Variants in RALGPS2 observed in about 807,000 individuals in gnomAD.
The protein encoded by RALGPS2 is ras-specific guanine nucleotide-releasing factor RalGPS2.
A neutral mutation model predicts 86.8 loss-of-function variants in RALGPS2; 43 were observed. The observed-to-expected ratio is 0.50, with a 90% CI of 0.39 to 0.64. The LOEUF is 0.64. RALGPS2 is among the 30% of genes least tolerant of loss of function. RALGPS2 has a pLI of 0.00. For missense variants in RALGPS2, 536 were observed against 694.6 expected (o/e 0.77, Z 2.57); for synonymous variants, 243 against 231.3 (o/e 1.05, Z -0.46).
At chr1:178,840,642 A>C (rs1656555516) in intron 8 of RALGPS2, among the ~76,000 whole-genome samples, 1 of 152,200 alleles carries the variant, frequency 6.6e-6, no homozygotes. Flanking sequence ...AGAAATAACT[A>C]AGATCAGAGC....
chr1:178,828,107 A>G (rs549867773), intron 7 of RALGPS2, among the ~76,000 whole-genome samples: 1 of 152,376 alleles, frequency 6.6e-6, no homozygotes, highest in East Asian at 1.9e-4. Flanking sequence ...AAGCAAAAAT[A>G]TACAAAATGG....
chr1:178,890,457 A>G (rs1214666581), intron 14 of RALGPS2, among the ~76,000 whole-genome samples: 1 of 151,986 alleles, frequency 6.6e-6, no homozygotes, highest in Non-Finnish European at 1.5e-5. Context: ...GAACTAAGTA[A>G]CTAAATTTCT....
At chr1:178,805,719 T>G (rs554062763) in intron 4 of RALGPS2, among the ~76,000 whole-genome samples, 71 of 152,318 alleles carry the variant, frequency 4.7e-4, no homozygotes, top group African/African-American at 1.7e-3. Context: ...TTTCACTGTC[T>G]TATATTCTCT....
intron 10 of RALGPS2, chr1:178,879,571 T>A (rs2102367392): frequency 6.6e-6 from 1 of 152,638 alleles, no homozygotes; most frequent in South Asian, 2.1e-4. Flanking sequence ...GGCGGGTGGA[T>A]CACTTGAGGT....
At chr1:178,846,486 C>G (rs1656872355) in intron 8 of RALGPS2, among the ~76,000 whole-genome samples, 1 of 152,162 alleles carries the variant, frequency 6.6e-6, no homozygotes, top group Admixed American at 6.5e-5. Flanking sequence ...AGAATTACAT[C>G]CCCATTTTCC....
At chr1:178,886,931 G>A (rs1314619656) in intron 13 of RALGPS2, among the ~76,000 whole-genome samples, 1 of 152,164 alleles carries the variant, frequency 6.6e-6, no homozygotes, top group Non-Finnish European at 1.5e-5. Flanking sequence ...AGTCATTGGT[G>A]ACCTTGATAA....
intron 7 of RALGPS2, among the ~76,000 whole-genome samples, chr1:178,831,299 C>A (rs1306681452): frequency 2.0e-5 from 3 of 152,126 alleles, no homozygotes; most frequent in Non-Finnish European, 4.4e-5. Flanking sequence ...TTAATCTGCA[C>A]CCCGGGTCTA....
At chr1:178,885,695 T>C (rs1659452277) in intron 12 of RALGPS2, 2 of 257,922 alleles carry the variant, frequency 7.8e-6, no homozygotes, top group South Asian at 1.4e-4. Context: ...TCTCTGGAAA[T>C]GTAATAACTG....
chr1:178,852,665 A>G (rs751762108), intron 8 of RALGPS2: 4 of 1,599,288 alleles, frequency 2.5e-6, no homozygotes, highest in Non-Finnish European at 3.4e-6. Flanking sequence ...ACAAAGAATG[A>G]AAGTTTTTCA....
rs10634530 is a variant in RALGPS2, at chr1:178,725,267, G to GGCA, written c.-234_-233insAGC. ...TCACTCTCCTCCCCCGAGCGGCAGCGGCGGCGGCGGCGGCGGCTGCTGCGG... is the reference window on the plus strand; with the variant it reads ...TCACTCTCCTCCCCCGAGCGGCAGCGGCAGCGGCGGCGGCGGCGGCTGCTGCGG... On this transcript the variant is annotated 5_prime_UTR_variant, in exon 1 of 20. Transcript: ENST00000367635. The GGCA allele has an allele frequency of 0.94, 160,866 of 171,324 alleles. 76,011 individuals carry two copies. The highest frequency in any genetic ancestry group is 0.99 in the East Asian group (5,503 of 5,566). The allele number at this position is 171,324 out of a possible 1,614,324, so 10.6% of individuals were successfully genotyped here. A position where few individuals can be genotyped will look rare whatever the true frequency, so the allele number is the denominator to read the frequency against.
chr1:178,853,860 A>C, intron 8 of RALGPS2: 4 of 1,236,926 alleles, frequency 3.2e-6, no homozygotes, highest in Non-Finnish European at 4.4e-6. Context: ...TTTAATCAAG[A>C]TTTTTACCTT....
chr1:178,811,545 G>A, intron 6 of RALGPS2, 141 bp downstream of exon 6: 2 of 580,552 alleles, frequency 3.4e-6, no homozygotes, highest in Non-Finnish European at 2.9e-6. Context: ...TTTTAAAATT[G>A]GATGCCTACT....
chr1:178,753,287 C>A (rs1327971108), intron 1 of RALGPS2, among the ~76,000 whole-genome samples: 2 of 152,146 alleles, frequency 1.3e-5, no homozygotes, highest in Admixed American at 1.3e-4. Flanking sequence ...ACAACACTTT[C>A]TCATCACTTT....
At chr1:178,868,539 C>T (rs187451571) in intron 8 of RALGPS2, among the ~76,000 whole-genome samples, 219 of 152,030 alleles carry the variant, frequency 1.4e-3, no homozygotes, top group African/African-American at 3.7e-3. Context: ...TCTGATTGAA[C>T]AGCTTGTATT....
chr1:178,856,202 G>GAGATATATATAT (rs1428022812), intron 8 of RALGPS2, among the ~76,000 whole-genome samples: 8 of 83,904 alleles, frequency 9.5e-5, no homozygotes, highest in African/African-American at 4.5e-4. Context: ...GAGAGAGAGA[G>GAGATATATATAT]ATATATATAT....
intron 17 of RALGPS2, among the ~76,000 whole-genome samples, chr1:178,901,242 G>C (rs1476955087): frequency 1.3e-5 from 2 of 152,020 alleles, no homozygotes; most frequent in African/African-American, 4.8e-5. Context: ...CCAGTGTGAG[G>C]AACAGAATGT....
intron 10 of RALGPS2, among the ~76,000 whole-genome samples, chr1:178,880,755 T>C (rs184415537): frequency 2.0e-4 from 30 of 152,326 alleles, no homozygotes; most frequent in African/African-American, 6.7e-4. Flanking sequence ...TAGATTGAAA[T>C]GTAATCTAAG....
intron 8 of RALGPS2, among the ~76,000 whole-genome samples, chr1:178,835,584 G>A (rs1426921727): frequency 6.6e-6 from 1 of 151,810 alleles, no homozygotes; most frequent in East Asian, 1.9e-4. Flanking sequence ...GTCGAGATGG[G>A]GTTTCACCAT....
chr1:178,865,835 G>A, intron 8 of RALGPS2: 8 of 1,320,184 alleles, frequency 6.1e-6, no homozygotes, highest in Admixed American at 4.6e-5. Flanking sequence ...AGGAGAAAAA[G>A]CAAAAAGAAT....
Sources: gnomAD v4.1 joint callset for allele counts (sites outside exome capture counted in the v4.1 genomes callset) on GRCh38, gnomAD v4.1.1 for gene constraint, MANE v1.5 for transcripts, NCBI Gene and HGNC (gene_info 2026-07-23, HGNC 2026-07-21) for gene names.